PSD2: variants seen among roughly 807,000 people sequenced by gnomAD.
The protein encoded by PSD2 is pleckstrin and Sec7 domain containing 2, also known as PH and SEC7 domain-containing protein 2.
Under a neutral mutation model 69.8 loss-of-function variants are expected in PSD2, and 38 were observed. The ratio of observed to expected loss-of-function variants is 0.54; its 90% CI spans 0.42 to 0.71. PSD2 has a LOEUF of 0.71. Among genes scored for constraint, PSD2 ranks in the 30% least tolerant of loss-of-function variants. The probability of loss-of-function intolerance (pLI) is 0.00; values close to 1 mark genes in which losing one functional copy is unlikely to be tolerated. For missense variants in PSD2, 943 were observed against 1,014.5 expected (o/e 0.93, Z 0.96); for synonymous variants, 412 against 423.0 (o/e 0.97, Z 0.32).
intron 5 of PSD2, among the ~76,000 whole-genome samples, chr5:139,821,519 T>G (rs576125479): frequency 6.6e-6 from 1 of 152,320 alleles, no homozygotes; most frequent in East Asian, 1.9e-4. Context: ...AGGAGCATTC[T>G]GAAGGGCAGG....
intron 7 of PSD2, among the ~76,000 whole-genome samples, chr5:139,828,652 G>T (rs1388215666): frequency 6.6e-6 from 1 of 152,218 alleles, no homozygotes; most frequent in African/African-American, 2.4e-5. Context: ...GATGACGTCT[G>T]CTTGGCCTGC....
upstream of PSD2, among the ~76,000 whole-genome samples, chr5:139,794,035 C>T (rs1214282668): frequency 6.6e-6 from 1 of 152,194 alleles, no homozygotes; most frequent in Non-Finnish European, 1.5e-5. Context: ...TAGCAGAGGG[C>T]AGGGGGGTAG....
the PSD2 span, among the ~76,000 whole-genome samples, chr5:139,777,062 G>A: frequency 2.0e-5 from 3 of 152,176 alleles, no homozygotes; most frequent in Admixed American, 2.0e-4. Flanking sequence ...TCCATCTGCT[G>A]CACACAGGCC....
chr5:139,838,152 G>T (rs1449544585), intron 12 of PSD2, among the ~76,000 whole-genome samples: 1 of 152,200 alleles, frequency 6.6e-6, no homozygotes, highest in East Asian at 1.9e-4. Context: ...AACCTGTAAG[G>T]CTGTCCTACC....
At position 139,843,559 on chromosome 5, in the gene PSD2, C is replaced by G. The variant is rs1045797771; in HGVS notation, c.*1085C>G. The G allele has an allele frequency of 2.6e-5, 4 of 152,362 alleles. No homozygotes were observed. Among genetic ancestry groups the G allele is most frequent in the Admixed American group, 2.6e-4 (4 of 15,312 alleles). 9.4% of individuals were successfully genotyped at this position (152,362 alleles called of 1,614,324 possible). A position where few individuals can be genotyped will look rare whatever the true frequency, so the allele number is the denominator to read the frequency against. On this transcript the variant is annotated 3_prime_UTR_variant, in exon 15 of 15. Transcript: ENST00000274710. ...AAAAGACACTCTGTCTCGCAAATGG[C>G]TGCTTGTCAACAAGCCCAAAGATGC...
chr5:139,840,131 C>T lies in PSD2; in HGVS notation c.2073C>T (p.Ala691=), dbSNP rs367660721. 17 of 1,614,138 alleles carry T rather than the reference C, an allele frequency of 1.1e-5. No homozygotes were observed. The highest frequency in any genetic ancestry group is 3.3e-5 in the Admixed American group (2 of 60,022). ...AGAGGGGCATCAAGTCCAAGGAGGCCGAGGAGTACCGGTTGAAGGAGCACT... is the reference window on the plus strand; with the variant it reads ...AGAGGGGCATCAAGTCCAAGGAGGCTGAGGAGTACCGGTTGAAGGAGCACT... ...PVERGIKSKE[A]EEYRLKEHYL... is the part of the protein sequence containing the mutation. Residue 691 remains alanine, a synonymous_variant, in exon 14 of 15, where the codon GCC becomes GCT. Transcript: ENST00000274710.
the PSD2 span, among the ~76,000 whole-genome samples, chr5:139,789,543 A>G: frequency 6.6e-6 from 1 of 152,242 alleles, no homozygotes; most frequent in African/African-American, 2.4e-5. Context: ...ATGCCCCTGC[A>G]TTCCAGCCTG....
chr5:139,760,134 G>A, the PSD2 span, among the ~76,000 whole-genome samples: 78 of 152,350 alleles, frequency 5.1e-4, 1 homozygote, highest in Admixed American at 9.1e-4. Flanking sequence ...CCATCTGCCA[G>A]TATGGACAGG....
the PSD2 span, among the ~76,000 whole-genome samples, chr5:139,748,900 G>A: frequency 6.9e-6 from 1 of 144,356 alleles, no homozygotes; most frequent in African/African-American, 2.7e-5. Context: ...GGAGCCCTGG[G>A]GTATGTTGGG....
chr5:139,760,243 C>G, the PSD2 span, among the ~76,000 whole-genome samples: 13 of 152,214 alleles, frequency 8.5e-5, no homozygotes, highest in Non-Finnish European at 1.8e-4. Context: ...CAAGCATTGC[C>G]TGAAGCTTCT....
At chr5:139,771,257 T>TG in the PSD2 span, among the ~76,000 whole-genome samples, 1 of 152,370 alleles carries the variant, frequency 6.6e-6, no homozygotes, top group African/African-American at 2.4e-5. Flanking sequence ...ATTGCGGGCC[T>TG]GGGGACCCGG....
At position 139,814,188 on chromosome 5, in the gene PSD2, T is replaced by A; in HGVS notation, c.840T>A (p.Asp280Glu). ...TCTGCAGTGACCCCAGCCTGAAGGA[T>A]GGCCTGTCAGACTCAGACTCTGAGC... is the stretch of plus-strand genomic sequence containing the variant. ...LNSASDPSLK[D>E]GLSDSDSELS... is the part of the protein sequence containing the mutation. Residue 280 changes from aspartate (D) to glutamate (E), a missense_variant, in exon 4 of 15, where the codon GAT becomes GAA. This residue lies in a region of PSD2 where 466 missense variants were observed against 445.0 expected (regional missense o/e 1.05). Coordinates refer to ENST00000274710, the MANE Select transcript of PSD2 (RefSeq NM_032289.4). The surrounding 1 kb of genome is among the most constrained non-coding windows in gnomAD (Gnocchi z 4.4). 6.2e-7 allele frequency: 1 copy of A among 1,613,544 alleles called. No homozygotes were observed. Among genetic ancestry groups the A allele is most frequent in the African/African-American group, 1.3e-5 (1 of 75,010 alleles).
chr5:139,821,643 A>T lies in PSD2; in HGVS notation c.1098-250A>T, dbSNP rs757719777. On this transcript the variant is annotated intron_variant, in intron 5 of 14. Transcript: ENST00000274710. ...GTTCTTCACCATCTGTCCTCTGCCTAATTTCAGAAGGTCCCTGGAGGGCAA... is the reference window on the plus strand; with the variant it reads ...GTTCTTCACCATCTGTCCTCTGCCTTATTTCAGAAGGTCCCTGGAGGGCAA... Among the ~76,000 whole-genome samples, 47 of 152,190 alleles carry T rather than the reference A, an allele frequency of 3.1e-4. 1 individual carries two copies. Among genetic ancestry groups the T allele is most frequent in the Non-Finnish European group, 6.3e-4 (43 of 68,022 alleles).
chr5:139,841,948 G>A (rs1760881041), intron 14 of PSD2, among the ~76,000 whole-genome samples: 1 of 152,130 alleles, frequency 6.6e-6, no homozygotes, highest in Non-Finnish European at 1.5e-5. Context: ...TCTGTAGGTT[G>A]CCTTTTCATT....
chr5:139,753,941 A>T, the PSD2 span, among the ~76,000 whole-genome samples: 2 of 152,102 alleles, frequency 1.3e-5, no homozygotes, highest in Admixed American at 6.5e-5. Flanking sequence ...GGTTCAAGCG[A>T]TTCTCCTGCC....
the PSD2 span, among the ~76,000 whole-genome samples, chr5:139,751,634 A>G: frequency 6.6e-6 from 1 of 152,270 alleles, no homozygotes; most frequent in East Asian, 1.9e-4. Context: ...GGAAATTGTA[A>G]TAGTGCGTGT....
upstream of PSD2, among the ~76,000 whole-genome samples, chr5:139,792,576 G>T (rs1212339713): frequency 6.6e-6 from 1 of 152,164 alleles, no homozygotes; most frequent in Admixed American, 6.5e-5. Flanking sequence ...GAGGCGGGGT[G>T]GGGGAGGAAA....
At chr5:139,831,702 T>C (rs963430521) in intron 7 of PSD2, among the ~76,000 whole-genome samples, 1 of 152,202 alleles carries the variant, frequency 6.6e-6, no homozygotes, top group Non-Finnish European at 1.5e-5. Context: ...CTATTATATC[T>C]CTCTATATTT....
the PSD2 span, among the ~76,000 whole-genome samples, chr5:139,789,581 A>G: frequency 6.6e-6 from 1 of 152,210 alleles, no homozygotes; most frequent in Non-Finnish European, 1.5e-5. Flanking sequence ...AAGAAAAACA[A>G]AAAACAAAAC....
Sources: gnomAD v4.1 joint callset for allele counts (sites outside exome capture counted in the v4.1 genomes callset) on GRCh38, gnomAD v4.1.1 for gene constraint, gnomAD v4.1.1 regional missense constraint, Gnocchi (gnomAD v3.1) non-coding constraint, MANE v1.5 for transcripts, NCBI Gene and HGNC (gene_info 2026-07-23, HGNC 2026-07-21) for gene names.